Variants in ADAD1 observed in about 807,000 individuals in gnomAD.
ADAD1 encodes the protein adenosine deaminase domain-containing protein 1.
Under a neutral mutation model 66.8 loss-of-function variants are expected in ADAD1, and 46 were observed. The observed-to-expected ratio is 0.69, with a 90% CI of 0.54 to 0.88. The LOEUF is 0.88. ADAD1 is among the 40% of genes least tolerant of loss of function. The probability of loss-of-function intolerance (pLI) is 0.00; values close to 1 mark genes in which losing one functional copy is unlikely to be tolerated. For missense variants in ADAD1, 617 were observed against 681.8 expected (o/e 0.91, Z 1.06); for synonymous variants, 248 against 229.4 (o/e 1.08, Z -0.73).
Position 122,419,016 on chromosome 4 carries a change from T to C in ADAD1, c.1488-2245T>C, listed in dbSNP as rs553323964. ...ATGGAAATACCATTTGACCCAGCAA[T>C]CCCATTACTGGGTATATACCCCAAG... On this transcript the variant is annotated intron_variant, in intron 11 of 12. Coordinates refer to ENST00000296513, the MANE Select transcript of ADAD1 (RefSeq NM_139243.4). Among the ~76,000 whole-genome samples the C allele has an allele frequency of 3.3e-5, 5 of 152,294 alleles. No individual in the cohort carries two copies. In the East Asian group the frequency reaches 9.7e-4, roughly 29 times the overall value.
intron 5 of ADAD1, among the ~76,000 whole-genome samples, chr4:122,392,937 T>C (rs1795522653): frequency 6.6e-6 from 1 of 152,102 alleles, no homozygotes; most frequent in African/African-American, 2.4e-5. Flanking sequence ...AGAGAAGCAG[T>C]TCTGTTTGCT....
chr4:122,420,510 T>G (rs1384185876), intron 11 of ADAD1, among the ~76,000 whole-genome samples: 3 of 152,190 alleles, frequency 2.0e-5, no homozygotes, highest in Non-Finnish European at 2.9e-5. Context: ...TTGTGTTTGC[T>G]AAAACAAATC....
intron 7 of ADAD1, among the ~76,000 whole-genome samples, chr4:122,405,568 T>A (rs1473616359): frequency 6.6e-6 from 1 of 152,160 alleles, no homozygotes; most frequent in Non-Finnish European, 1.5e-5. Flanking sequence ...TCTACCACAG[T>A]ACCCTCCTGG....
At chr4:122,416,463 ATACCTGTAATCC>A in intron 11 of ADAD1, among the ~76,000 whole-genome samples, 1 of 152,382 alleles carries the variant, frequency 6.6e-6, no homozygotes. Flanking sequence ...AAGAAAGCTC[ATACCTGTAATCC>A]TAGCAGTTTG....
Position 122,412,694 on chromosome 4 carries a change from T to C in ADAD1, c.1134T>C (p.Asn378=), listed in dbSNP as rs1408954088. The change falls in exon 10 of 13, where the codon AAT becomes AAC. Residue 378 remains asparagine, a synonymous_variant. Transcript: ENST00000296513. ...LTVYCPKDGV[N]RISSMSSSDK... ...TTTACTGTCCTAAAGATGGTGTTAATAGAATAAGCAGTATGTCCTCAAGTG... is the reference window on the plus strand; with the variant it reads ...TTTACTGTCCTAAAGATGGTGTTAACAGAATAAGCAGTATGTCCTCAAGTG... The C allele has an allele frequency of 7.4e-6, 12 of 1,613,814 alleles. No individual in the cohort carries two copies. Among genetic ancestry groups the C allele is most frequent in the Non-Finnish European group, 1.0e-5 (12 of 1,179,824 alleles).
At chr4:122,386,808 C>T (rs1300293189) in intron 5 of ADAD1, among the ~76,000 whole-genome samples, 2 of 152,056 alleles carry the variant, frequency 1.3e-5, no homozygotes, top group Non-Finnish European at 2.9e-5. Flanking sequence ...TTCCCTATTG[C>T]TTGTTTTTGT....
At chr4:122,400,029 C>T (rs903579497) in intron 7 of ADAD1, among the ~76,000 whole-genome samples, 1 of 151,956 alleles carries the variant, frequency 6.6e-6, no homozygotes, top group Non-Finnish European at 1.5e-5. Flanking sequence ...CTAGGACTTC[C>T]AGTACTATGT....
chr4:122,412,480 T>G, intron 9 of ADAD1, 100 bp from the exon 10 acceptor site: 2 of 939,338 alleles, frequency 2.1e-6, no homozygotes, highest in Non-Finnish European at 3.2e-6. Flanking sequence ...AAATGTACAC[T>G]GGGAAGTTAA....
intron 5 of ADAD1, among the ~76,000 whole-genome samples, chr4:122,384,786 T>A (rs72669119): frequency 0.25 from 37,776 of 152,082 alleles, 5,692 homozygotes; most frequent in Middle Eastern, 0.51. Flanking sequence ...AAAACATTTA[T>A]TTTTTTCCCT....
At chr4:122,414,707 A>T (rs1056033137) in intron 10 of ADAD1, among the ~76,000 whole-genome samples, 1 of 152,072 alleles carries the variant, frequency 6.6e-6, no homozygotes, top group African/African-American at 2.4e-5. Flanking sequence ...GAAGAAAGAG[A>T]TATGCTTTAG....
chr4:122,391,724 TG>T (rs1273485221), intron 5 of ADAD1, among the ~76,000 whole-genome samples: 2 of 152,208 alleles, frequency 1.3e-5, no homozygotes, highest in African/African-American at 4.8e-5. Context: ...TTTTGTTTTT[TG>T]TTTTGAGACA....
rs546635670 is a variant in ADAD1 at position 122,404,870 on chromosome 4, A to G, written c.725-3038A>G. On this transcript the variant is annotated intron_variant, in intron 7 of 12. Coordinates refer to ENST00000296513, the MANE Select transcript of ADAD1 (RefSeq NM_139243.4). ...CAGTAGAGGAAGCATCACTCCTCCT[A>G]TAGGCTAATTCTTCTACTTAAATTC... 2.6e-5 allele frequency among the ~76,000 whole-genome samples: 4 copies of G among 152,210 alleles called. No individual in the cohort carries two copies. The South Asian group carries it at 6.2e-4, about 24-fold the overall frequency.
chr4:122,392,311 A>G (rs1189828985), intron 5 of ADAD1, among the ~76,000 whole-genome samples: 1 of 152,216 alleles, frequency 6.6e-6, no homozygotes, highest in Non-Finnish European at 1.5e-5. Context: ...GGTGCCCATC[A>G]GTGGTAGATT....
chr4:122,420,657 C>CA (rs1246329187), intron 11 of ADAD1, among the ~76,000 whole-genome samples: 1 of 152,084 alleles, frequency 6.6e-6, no homozygotes, highest in Non-Finnish European at 1.5e-5. Flanking sequence ...ATCCTAAGAA[C>CA]AACTAATGAG....
At chr4:122,427,220 C>T (rs1797280490) in intron 12 of ADAD1, among the ~76,000 whole-genome samples, 4 of 152,230 alleles carry the variant, frequency 2.6e-5, no homozygotes, top group Admixed American at 2.6e-4. Flanking sequence ...ACAGCTTCAT[C>T]CACAATAGCA....
At chr4:122,416,208 G>T (rs1796726708) in intron 11 of ADAD1, among the ~76,000 whole-genome samples, 2 of 151,972 alleles carry the variant, frequency 1.3e-5, no homozygotes, top group Non-Finnish European at 2.9e-5. Flanking sequence ...ACACAGCTTG[G>T]GTTCTAACCC....
intron 11 of ADAD1, 131 bp downstream of exon 11, chr4:122,415,747 TG>T: frequency 4.7e-6 from 4 of 852,112 alleles, no homozygotes; most frequent in Non-Finnish European, 7.1e-6. Context: ...ATTAGTCAAG[TG>T]TGACTATGTT....
intron 7 of ADAD1, among the ~76,000 whole-genome samples, chr4:122,405,071 C>A (rs1226590094): frequency 6.6e-6 from 1 of 152,138 alleles, no homozygotes; most frequent in East Asian, 1.9e-4. Flanking sequence ...TTATTATCAC[C>A]ATTCCGGAAC....
chr4:122,381,402 T>C (rs960925174), intron 4 of ADAD1, among the ~76,000 whole-genome samples: 1 of 152,206 alleles, frequency 6.6e-6, no homozygotes, highest in Non-Finnish European at 1.5e-5. Flanking sequence ...AATTTTCTTA[T>C]GTGTCGCTAG....
Sources: allele counts gnomAD v4.1 joint callset (sites outside exome capture counted in the v4.1 genomes callset), GRCh38; gene constraint gnomAD v4.1.1; transcripts MANE v1.5; gene names NCBI Gene and HGNC (gene_info 2026-07-23, HGNC 2026-07-21).